The following FLVCR2 variants were observed in gnomAD, a reference collection of about 807,000 sequenced individuals.
FLVCR2 encodes choline/ethanolamine transporter FLVCR2.
In FLVCR2, 38 loss-of-function variants were observed where a neutral mutation model predicts 48.9. That is an observed-to-expected ratio of 0.78 (90% CI 0.60 to 1.02). FLVCR2 has a LOEUF of 1.02. FLVCR2 is among the 50% of genes least tolerant of loss of function. The pLI is 0.00. For synonymous variants in FLVCR2, 255 were observed against 257.0 expected, an observed-to-expected ratio of 0.99 and a Z score of 0.07; for missense variants, 664 against 663.3, an observed-to-expected ratio of 1.00 and a Z score of -0.01.
chr14:75,626,760 T>G (rs1889910493), intron 3 of FLVCR2, among the ~76,000 whole-genome samples: 1 of 151,900 alleles, frequency 6.6e-6, no homozygotes, highest in African/African-American at 2.4e-5. Context: ...TTGGGGGCCC[T>G]TCTAGACTCA....
intron 9 of FLVCR2, among the ~76,000 whole-genome samples, chr14:75,642,368 C>T (rs541216621): frequency 1.8e-4 from 28 of 152,158 alleles, no homozygotes; most frequent in Non-Finnish European, 3.7e-4. Flanking sequence ...GCCATGGGGA[C>T]GGAGCCAAAG....
chr14:75,622,308 C>A, intron 2 of FLVCR2, 88 bp downstream of exon 2: 2 of 1,242,828 alleles, frequency 1.6e-6, no homozygotes, highest in Non-Finnish European at 2.4e-6. Flanking sequence ...GTGAACATGC[C>A]CTGAAATACC....
chr14:75,588,113 G>T (rs1888794846), intron 1 of FLVCR2, among the ~76,000 whole-genome samples: 1 of 152,188 alleles, frequency 6.6e-6, no homozygotes, highest in African/African-American at 2.4e-5. Flanking sequence ...AAAAGAAAAG[G>T]TGAAATTATT....
chr14:75,586,199 A>G (rs1190086400), intron 1 of FLVCR2, among the ~76,000 whole-genome samples: 3 of 152,264 alleles, frequency 2.0e-5, no homozygotes, highest in Non-Finnish European at 4.4e-5. Flanking sequence ...ATTATCATTA[A>G]TTCTTACAGG....
rs45479302 is a variant in FLVCR2 at position 75,624,635 on chromosome 14, C to T, written c.835C>T (p.Pro279Ser). 20,253 of 1,614,006 alleles carry T rather than the reference C, an allele frequency of 0.013. 160 individuals carry two copies. The highest frequency in any genetic ancestry group is 0.015 in the Non-Finnish European group (18,167 of 1,179,934). ...AGTGTTCAAGGAGAAACCTAAATAT[C>T]CCCCCAGCAGGGCCCAATCCCTGAG... ...IIVFKEKPKY[P>S]PSRAQSLSYA... Residue 279 changes from proline (P) to serine (S), a missense_variant, in exon 3 of 10, where the codon CCC becomes TCC. Pro to Ser is a moderately conservative substitution (Grantham distance 74, BLOSUM62 -1). Coordinates refer to ENST00000238667, the MANE Select transcript of FLVCR2 (RefSeq NM_017791.3).
At chr14:75,607,585 T>A (rs1889327086) in intron 1 of FLVCR2, among the ~76,000 whole-genome samples, 1 of 152,172 alleles carries the variant, frequency 6.6e-6, no homozygotes, top group Admixed American at 6.5e-5. Context: ...TTCAAGTTGC[T>A]TCAACTCAGT....
intron 1 of FLVCR2, among the ~76,000 whole-genome samples, chr14:75,618,870 G>C (rs1357086537): frequency 4.6e-5 from 7 of 151,650 alleles, no homozygotes; most frequent in Admixed American, 3.9e-4. Context: ...CCTGGGCAGG[G>C]TGCTGAGCAG....
intron 1 of FLVCR2, among the ~76,000 whole-genome samples, chr14:75,593,972 T>C (rs1275966922): frequency 6.6e-6 from 1 of 152,242 alleles, no homozygotes; most frequent in Non-Finnish European, 1.5e-5. Flanking sequence ...CATGTTTTAC[T>C]ATATGTGCTT....
chr14:75,580,262 T>C (rs1027858184), intron 1 of FLVCR2, among the ~76,000 whole-genome samples: 7 of 152,214 alleles, frequency 4.6e-5, no homozygotes, highest in African/African-American at 1.7e-4. Flanking sequence ...TGTCTTAATC[T>C]TTTTCTCTTT....
At chr14:75,599,436 T>C (rs1889109491) in intron 1 of FLVCR2, among the ~76,000 whole-genome samples, 1 of 151,566 alleles carries the variant, frequency 6.6e-6, no homozygotes, top group Non-Finnish European at 1.5e-5. Flanking sequence ...AACTACAAAA[T>C]GTTGCTGAAA....
At chr14:75,631,107 G>C (rs544407036) in intron 3 of FLVCR2, among the ~76,000 whole-genome samples, 2 of 152,300 alleles carry the variant, frequency 1.3e-5, no homozygotes, top group African/African-American at 4.8e-5. Context: ...ACATACATAA[G>C]CTCCTAAATC....
Position 75,578,781 on chromosome 14 carries a change from G to C in FLVCR2, c.-192G>C. On this transcript the variant is annotated 5_prime_UTR_variant, in exon 1 of 10. Transcript: ENST00000238667. ...CGCGGGTGGCAACAGAGAGCCCCAA[G>C]CAAAAGTGGGAGCAGGAGCTTGGAG... The C allele has an allele frequency of 1.6e-6, 1 of 628,414 alleles. No homozygotes were observed. The highest frequency in any genetic ancestry group is 2.7e-5 in the East Asian group (1 of 36,530). 38.9% of individuals were successfully genotyped at this position (628,414 alleles called of 1,614,324 possible). A position where few individuals can be genotyped will look rare whatever the true frequency, so the allele number is the denominator to read the frequency against.
chr14:75,587,147 T>C (rs901798915), intron 1 of FLVCR2, among the ~76,000 whole-genome samples: 8 of 152,136 alleles, frequency 5.3e-5, no homozygotes, highest in Admixed American at 4.6e-4. Context: ...AACAACTCTG[T>C]GAGGTTGGTG....
At chr14:75,605,686 A>G in intron 1 of FLVCR2, 10 of 1,453,892 alleles carry the variant, frequency 6.9e-6, no homozygotes, top group Non-Finnish European at 9.3e-6. Context: ...CCGGAGCCTT[A>G]GGAGGGAGGA....
rs551301541 is a variant in FLVCR2, at chr14:75,595,232, C to G, written c.669+15591C>G. ...ACATTCATTACTAAGTCTTTGGAAA[C>G]TCATGTATATTTTATACTTATAGAT... On this transcript the variant is annotated intron_variant, in intron 1 of 9. Transcript: ENST00000238667. Among the ~76,000 whole-genome samples the G allele has an allele frequency of 8.1e-3, 1,230 of 152,292 alleles. 4 individuals carry two copies. The highest frequency in any genetic ancestry group is 0.034 in the Middle Eastern group (10 of 294).
chr14:75,610,170 C>T (rs1889403657), intron 1 of FLVCR2, among the ~76,000 whole-genome samples: 1 of 152,158 alleles, frequency 6.6e-6, no homozygotes, highest in Admixed American at 6.5e-5. Flanking sequence ...GTTCTGTGAC[C>T]ACTGGCTTTC....
chr14:75,635,087 C>A, intron 5 of FLVCR2, 74 bp downstream of exon 5: 1 of 983,208 alleles, frequency 1.0e-6, no homozygotes, highest in Non-Finnish European at 1.6e-6. Context: ...AGCAGTGTGA[C>A]TCCAAGTCAT....
chr14:75,605,263 C>T (rs1050912607), intron 1 of FLVCR2, among the ~76,000 whole-genome samples: 4 of 152,208 alleles, frequency 2.6e-5, no homozygotes, highest in Non-Finnish European at 4.4e-5. Context: ...ATCACCATCA[C>T]CATAGGGTTA....
chr14:75,624,686 T>G lies in FLVCR2; in HGVS notation c.886T>G (p.Ser296Ala), dbSNP rs747347369. The stretch of plus-strand genomic sequence containing the variant: ...CTATGCCTTGACCTCTCCTGATGCC[T>G]CATACTTAGGTTCCATCGCCCGGCT... ...LSYALTSPDASYLGSIARLFK... is the reference protein window; with the variant it reads ...LSYALTSPDAAYLGSIARLFK... The change falls in exon 3 of 10, where the codon TCA (serine) becomes GCA (alanine). Residue 296 changes from serine to alanine, a missense_variant. Ser to Ala is a moderately conservative substitution (Grantham distance 99). Transcript: ENST00000238667. 1.2e-6 allele frequency: 2 copies of G among 1,614,162 alleles called. No homozygotes were observed. The highest frequency in any genetic ancestry group is 3.3e-5 in the Admixed American group (2 of 60,018).
Sources: allele counts gnomAD v4.1 joint callset (sites outside exome capture counted in the v4.1 genomes callset), GRCh38; gene constraint gnomAD v4.1.1; transcripts MANE v1.5; gene names NCBI Gene and HGNC (gene_info 2026-07-23, HGNC 2026-07-21).